Variants in PSMD9 observed in about 807,000 individuals in gnomAD.
PSMD9 encodes the protein 26S proteasome non-ATPase regulatory subunit 9.
Under a neutral mutation model 25.9 loss-of-function variants are expected in PSMD9, and 26 were observed. The ratio of observed to expected loss-of-function variants is 1.00; its 90% confidence interval spans 0.73 to 1.39. The LOEUF (loss-of-function observed/expected upper bound fraction) is 1.39, where lower values mean the gene tolerates loss of function less well. Ranked by LOEUF, PSMD9 falls within the 40% of genes most tolerant of loss-of-function variation. The pLI is 0.00. For missense variants in PSMD9, 303 were observed against 299.3 expected (o/e 1.01, Z -0.09); for synonymous variants, 110 against 114.5 (o/e 0.96, Z 0.25).
At position 121,888,841 on chromosome 12, in the gene PSMD9, C is replaced by G; in HGVS notation, c.-16C>G. 1 of 1,597,064 alleles carries G rather than the reference C, an allele frequency of 6.3e-7. No homozygotes were observed. Among genetic ancestry groups the G allele is most frequent in the Non-Finnish European group, 8.5e-7 (1 of 1,172,994 alleles). ...CCCGGGAGCCGGGTCTCTGGAGTCG[C>G]GGCCCGGGGTTCACGATGTCCGACG... On this transcript the variant is annotated 5_prime_UTR_variant, in exon 1 of 6. Transcript: ENST00000541212.
intron 4 of PSMD9, among the ~76,000 whole-genome samples, chr12:121,913,062 G>T (rs371324825): frequency 6.1e-4 from 92 of 150,086 alleles, no homozygotes; most frequent in African/African-American, 2.1e-3. Context: ...TCAGCCTCCC[G>T]AGTAGCTGGG....
intron 3 of PSMD9, 175 bp downstream of exon 3, chr12:121,900,020 G>A: frequency 1.4e-6 from 1 of 737,634 alleles, no homozygotes. Flanking sequence ...GCTGGGGGCA[G>A]AGTTTTAGAG....
At chr12:121,909,249 G>A (rs1355774328) in intron 4 of PSMD9, among the ~76,000 whole-genome samples, 1 of 152,028 alleles carries the variant, frequency 6.6e-6, no homozygotes, top group Non-Finnish European at 1.5e-5. Context: ...TTATAGAACT[G>A]GAAGCACACA....
intron 1 of PSMD9, 32 bp from the exon 2 acceptor site, chr12:121,894,707 G>A: frequency 6.3e-7 from 1 of 1,586,292 alleles, no homozygotes; most frequent in East Asian, 2.2e-5. Context: ...TTACACCCAT[G>A]AGCACCTTTT....
chr12:121,909,693 C>T (rs1287066473), intron 4 of PSMD9, among the ~76,000 whole-genome samples: 2 of 152,132 alleles, frequency 1.3e-5, no homozygotes, highest in South Asian at 2.1e-4. Flanking sequence ...CCGCCCACTT[C>T]GAAGGGAATT....
chr12:121,890,102 AAGC>A (rs1322771215), intron 1 of PSMD9, among the ~76,000 whole-genome samples: 1 of 152,016 alleles, frequency 6.6e-6, no homozygotes, highest in Non-Finnish European at 1.5e-5. Flanking sequence ...TTTTAAGTAA[AAGC>A]AGGGTTTCAC....
intron 4 of PSMD9, among the ~76,000 whole-genome samples, chr12:121,903,749 TTTC>T: frequency 8.5e-6 from 1 of 118,166 alleles, no homozygotes. Context: ...TTAGAGATCT[TTTC>T]TTTTTTTTTT....
chr12:121,901,666 C>CTTCTTTTTTTTTTTTTT (rs1879401097), intron 3 of PSMD9, among the ~76,000 whole-genome samples: 3 of 93,610 alleles, frequency 3.2e-5, no homozygotes, highest in African/African-American at 1.8e-4. Context: ...TTCATTCCTT[C>CTTCTTTTTTTTTTTTTT]TTTTTTTTTT....
rs574415828 is a variant in PSMD9, at chr12:121,888,845, C to T, written c.-12C>T. The T allele has an allele frequency of 2.5e-6, 4 of 1,599,234 alleles. No individual in the cohort carries two copies. Among genetic ancestry groups the T allele is most frequent in the Middle Eastern group, 2.0e-4 (1 of 4,958 alleles). ...GGAGCCGGGTCTCTGGAGTCGCGGC[C>T]CGGGGTTCACGATGTCCGACGAGGA... is the stretch of plus-strand genomic sequence containing the variant. On this transcript the variant is annotated 5_prime_UTR_variant, in exon 1 of 6. Coordinates refer to ENST00000541212, the MANE Select transcript of PSMD9 (RefSeq NM_002813.7).
intron 2 of PSMD9, chr12:121,899,320 C>G (rs112784361): frequency 4.0e-5 from 14 of 350,200 alleles, no homozygotes; most frequent in African/African-American, 2.0e-4. Context: ...GCTCACCTCT[C>G]AGGGCTCACC....
intron 1 of PSMD9, among the ~76,000 whole-genome samples, chr12:121,891,301 A>AG (rs1181418609): frequency 7.1e-5 from 10 of 139,952 alleles, no homozygotes; most frequent in Non-Finnish European, 6.2e-5. Context: ...GTCTCTTTAA[A>AG]AAAAAAAAAA....
rs1455518805 is a variant in PSMD9 at position 121,910,090 on chromosome 12, T to TTTC, written c.556-5764_556-5763insCTT. Reference sequence around the variant, plus strand: ...CAATCTGGTAGGAAATGACTTTTTTTTTTTTTTTTTTTTTGAGATGGAGTC... The same window carrying TTTC: ...CAATCTGGTAGGAAATGACTTTTTTTTTCTTTTTTTTTTTTTTGAGATGGAGTC... On this transcript the variant is annotated intron_variant, in intron 4 of 5. Transcript: ENST00000541212. Among the ~76,000 whole-genome samples the TTTC allele has an allele frequency of 2.2e-3, 317 of 141,880 alleles. 1 individual carries two copies. Among genetic ancestry groups the TTTC allele is most frequent in the Non-Finnish European group, 3.5e-3 (229 of 64,874 alleles). 93.1% of individuals were successfully genotyped at this position (141,880 alleles called of 152,430 possible). A position where few individuals can be genotyped will look rare whatever the true frequency, so the allele number is the denominator to read the frequency against.
rs1408602862 is a variant in PSMD9 at position 121,912,945 on chromosome 12, T to C, written c.556-2911T>C. ...GCTCATTTTCTTTTCTTTTCTTTTT[T>C]TTTTTTTTTGAGACGGAGTCTCGCT... is the stretch of plus-strand genomic sequence containing the variant. On this transcript the variant is annotated intron_variant, in intron 4 of 5. Coordinates refer to ENST00000541212, the MANE Select transcript of PSMD9 (RefSeq NM_002813.7). Among the ~76,000 whole-genome samples, 184 of 150,250 alleles carry C rather than the reference T, an allele frequency of 1.2e-3. 5 individuals carry two copies. The East Asian group carries it at 0.034, about 28-fold the overall frequency.
intron 3 of PSMD9, among the ~76,000 whole-genome samples, chr12:121,900,485 G>A (rs1879361451): frequency 6.6e-6 from 1 of 150,998 alleles, no homozygotes; most frequent in Non-Finnish European, 1.5e-5. Context: ...GAGGTCAGGA[G>A]TTCGAGACCA....
intron 2 of PSMD9, 78 bp from the exon 3 acceptor site, chr12:121,899,556 A>T (rs983277518): frequency 3.0e-6 from 4 of 1,352,618 alleles, no homozygotes; most frequent in African/African-American, 2.9e-5. Context: ...GCACTTGTTA[A>T]CTCTTCAGTG....
chr12:121,912,883 A>AG (rs1330716173), intron 4 of PSMD9, among the ~76,000 whole-genome samples: 5 of 150,824 alleles, frequency 3.3e-5, no homozygotes, highest in Non-Finnish European at 7.4e-5. Context: ...AAAAAAAAAA[A>AG]AAAAGAAAGA....
At position 121,888,925 on chromosome 12, in the gene PSMD9, C is replaced by G; in HGVS notation, c.69C>G (p.Val23=). 6.3e-7 allele frequency: 1 copy of G among 1,595,484 alleles called. No homozygotes were observed. The highest frequency in any genetic ancestry group is 8.5e-7 in the Non-Finnish European group (1 of 1,171,842). ...CCGGCGTCGTGACTGTCAGCGACGT[C>G]CAGGAGCTGATGCGGCGCAAGGAGG... The part of the protein sequence containing the change: ...SQAGVVTVSD[V]QELMRRKEEI... The change falls in exon 1 of 6, where the codon GTC becomes GTG. Residue 23 remains valine (V), a synonymous_variant. Coordinates refer to ENST00000541212, the MANE Select transcript of PSMD9 (RefSeq NM_002813.7).
intron 1 of PSMD9, among the ~76,000 whole-genome samples, chr12:121,890,577 C>G (rs371470367): frequency 1.3e-5 from 2 of 152,104 alleles, no homozygotes; most frequent in East Asian, 1.9e-4. Flanking sequence ...AAGCAATCCT[C>G]CCACCTCAGC....
Position 121,888,856 on chromosome 12 carries a change from G to A in PSMD9, c.-1G>A, listed in dbSNP as rs781431721. On this transcript the variant is annotated 5_prime_UTR_variant, in exon 1 of 6. Transcript: ENST00000541212. ...TCTGGAGTCGCGGCCCGGGGTTCACGATGTCCGACGAGGAAGCGAGGCAGA... is the reference window on the plus strand; with the variant it reads ...TCTGGAGTCGCGGCCCGGGGTTCACAATGTCCGACGAGGAAGCGAGGCAGA... 3.1e-6 allele frequency: 5 copies of A among 1,602,252 alleles called. No individual in the cohort carries two copies. The highest frequency in any genetic ancestry group is 2.2e-5 in the East Asian group (1 of 44,478).
Sources: allele counts gnomAD v4.1 joint callset (sites outside exome capture counted in the v4.1 genomes callset), GRCh38; gene constraint gnomAD v4.1.1; transcripts MANE v1.5; gene names NCBI Gene and HGNC (gene_info 2026-07-23, HGNC 2026-07-21).